The following IGSF9B variants were observed in gnomAD, a reference collection of about 807,000 sequenced individuals.
The protein encoded by IGSF9B is protein turtle homolog B.
In IGSF9B, 48 loss-of-function variants were observed where a neutral mutation model predicts 143.7. The observed-to-expected ratio is 0.33, with a 90% CI of 0.26 to 0.42. The LOEUF is 0.42. Among genes scored for constraint, IGSF9B ranks in the 20% least tolerant of loss-of-function variants. IGSF9B has a pLI of 1.00. For synonymous variants in IGSF9B, 903 were observed against 833.1 expected (o/e 1.08, Z -1.44); for missense variants, 1,706 against 1,980.0 (o/e 0.86, Z 2.63).
chr11:133,933,382 T>G (rs1760421588), intron 7 of IGSF9B, among the ~76,000 whole-genome samples: 1 of 152,208 alleles, frequency 6.6e-6, no homozygotes, highest in Non-Finnish European at 1.5e-5. Flanking sequence ...AAAGGGGGTA[T>G]TTTTCCTCCC....
intron 7 of IGSF9B, among the ~76,000 whole-genome samples, chr11:133,934,766 C>A (rs1405254045): frequency 1.3e-5 from 2 of 152,208 alleles, no homozygotes; most frequent in African/African-American, 4.8e-5. Flanking sequence ...CGTACACTGA[C>A]CCCGGTCTTG....
intron 1 of IGSF9B, among the ~76,000 whole-genome samples, chr11:133,950,643 A>G (rs1437243195): frequency 6.6e-6 from 1 of 152,058 alleles, no homozygotes; most frequent in Non-Finnish European, 1.5e-5. Flanking sequence ...GGCAACTCCA[A>G]CCCCACACTG....
rs766344870 is a variant in IGSF9B, at chr11:133,921,138, C to CAGG, written c.2584_2586dup (p.Pro862dup). The CAGG allele has an allele frequency of 6.2e-7, 1 of 1,613,528 alleles. No homozygotes were observed. The highest frequency in any genetic ancestry group is 1.3e-5 in the African/African-American group (1 of 75,068). Reference sequence around the variant, plus strand: ...CTCTTCAGCGAGGGCTCCATCTCGGCAGGGTCCATCACGAAGCGGCCGTCA... The same window carrying CAGG: ...CTCTTCAGCGAGGGCTCCATCTCGGCAGGAGGGTCCATCACGAAGCGGCCGTCA... On this transcript the variant is annotated inframe_insertion, in exon 18 of 20. Coordinates refer to ENST00000533871, the MANE Select transcript of IGSF9B (RefSeq NM_001277285.4).
At chr11:133,940,326 A>G (rs1397749198) in intron 3 of IGSF9B, among the ~76,000 whole-genome samples, 2 of 136,604 alleles carry the variant, frequency 1.5e-5, no homozygotes, top group Non-Finnish European at 3.1e-5. Flanking sequence ...GCAGAAACAT[A>G]CACCTCGCAC....
intron 1 of IGSF9B, among the ~76,000 whole-genome samples, chr11:133,947,707 G>C (rs1258396180): frequency 3.3e-5 from 2 of 60,128 alleles, no homozygotes; most frequent in Non-Finnish European, 7.8e-5. Context: ...CTCTGTGTTT[G>C]TTCTCTCTCT....
rs762080294 is a variant in IGSF9B, at chr11:133,919,120, G to T, written c.3983+622C>A. 49 of 349,248 alleles carry T rather than the reference G, an allele frequency of 1.4e-4. 1 individual carries two copies. The highest frequency in any genetic ancestry group is 2.6e-4 in the Non-Finnish European group (45 of 173,112). 21.6% of individuals were successfully genotyped at this position (349,248 alleles called of 1,614,324 possible). On this transcript the variant is annotated intron_variant, in intron 18 of 19. Transcript: ENST00000533871. ...TCTGCAGCTTCCTGCGAGGTATACG[G>T]GGGGGGGGTGGGGGACGTGTCCTGC...
rs141780528 is a variant in IGSF9B, at chr11:133,950,673, C to T, written c.65-4415G>A. 2.6e-3 allele frequency among the ~76,000 whole-genome samples: 396 copies of T among 152,308 alleles called. 2 individuals carry two copies. The highest frequency in any genetic ancestry group is 9.3e-3 in the African/African-American group (385 of 41,572). ...ACACTGGGGACAGGTTTTGCCAGCCCAGACCCTGAAGCCTAGGACCATAGG... is the reference window on the plus strand; with the variant it reads ...ACACTGGGGACAGGTTTTGCCAGCCTAGACCCTGAAGCCTAGGACCATAGG... On this transcript the variant is annotated intron_variant, in intron 1 of 19. Transcript: ENST00000533871.
At chr11:133,947,012 G>A (rs1348413278) in intron 1 of IGSF9B, among the ~76,000 whole-genome samples, 4 of 152,328 alleles carry the variant, frequency 2.6e-5, no homozygotes, top group East Asian at 1.9e-4. Context: ...GGATGCTGGC[G>A]ACAGAGGAGG....
intron 1 of IGSF9B, among the ~76,000 whole-genome samples, chr11:133,954,385 G>T (rs1379355373): frequency 1.3e-5 from 2 of 152,066 alleles, no homozygotes; most frequent in Admixed American, 6.5e-5. Context: ...CCCAGACAAG[G>T]TCAGCCCAGA....
chr11:133,919,371 C>T (rs1209358936), intron 18 of IGSF9B, among the ~76,000 whole-genome samples: 1 of 152,156 alleles, frequency 6.6e-6, no homozygotes, highest in Non-Finnish European at 1.5e-5. Flanking sequence ...CCCCCAGGAC[C>T]CCTGCCCGAT....
At chr11:133,912,170 C>T (rs992779528) in intron 18 of IGSF9B, 163 bp from the exon 19 acceptor site, 108 of 856,430 alleles carry the variant, frequency 1.3e-4, no homozygotes, top group Admixed American at 5.4e-4. Context: ...CTTTCTATTG[C>T]TCCTGGAAAG....
In IGSF9B at chr11:133,898,660, C is replaced by CGACTTAGCAAGTGGA. The variant is rs1463467666; in HGVS notation, c.*10394_*10408dup. Reference sequence around the variant, plus strand: ...CAAGACCTTCTGACACTGATACAGACGACTTAGCAAGTGGAGCGTTAAACT... The same window carrying CGACTTAGCAAGTGGA: ...CAAGACCTTCTGACACTGATACAGACGACTTAGCAAGTGGAGACTTAGCAAGTGGAGCGTTAAACT... On this transcript the variant is annotated 3_prime_UTR_variant, in exon 20 of 20. Coordinates refer to ENST00000533871, the MANE Select transcript of IGSF9B (RefSeq NM_001277285.4). 1.3e-5 allele frequency: 2 copies of CGACTTAGCAAGTGGA among 154,156 alleles called. No homozygotes were observed. Among genetic ancestry groups the CGACTTAGCAAGTGGA allele is most frequent in the East Asian group, 3.9e-4 (2 of 5,180 alleles). The allele number at this position is 154,156 out of a possible 1,614,324, so 9.5% of individuals were successfully genotyped here. A position where few individuals can be genotyped will look rare whatever the true frequency, so the allele number is the denominator to read the frequency against.
At chr11:133,952,783 A>G (rs545476769) in intron 1 of IGSF9B, among the ~76,000 whole-genome samples, 1 of 149,144 alleles carries the variant, frequency 6.7e-6, no homozygotes, top group Non-Finnish European at 1.5e-5. Flanking sequence ...ATGCGCACAC[A>G]CATGTGCACA....
At chr11:133,954,652 A>T (rs929971663) in intron 1 of IGSF9B, among the ~76,000 whole-genome samples, 7 of 152,232 alleles carry the variant, frequency 4.6e-5, no homozygotes, top group African/African-American at 1.7e-4. Flanking sequence ...GAAGCAAGTG[A>T]CATTTAGAGA....
Position 133,920,699 on chromosome 11 carries a change from T to C in IGSF9B, c.3026A>G (p.His1009Arg). The change falls in exon 18 of 20, where the codon CAC becomes CGC. Residue 1009 changes from histidine to arginine, a missense_variant. By Grantham distance (29) the His-to-Arg change is conservative (BLOSUM62 0). Around this residue, in one of 7 missense-constraint regions of IGSF9B, gnomAD observed 880 missense variants for 762.9 expected, o/e 1.15. Coordinates refer to ENST00000533871, the MANE Select transcript of IGSF9B (RefSeq NM_001277285.4). ...TCCATTCTCCTCGGGGATGGTGGGG[T>C]GGCCAAAGGGCCCCTCGGTGGGCAG... ...PPLPTEGPFG[H>R]PTIPEENGEN... 1 of 1,613,076 alleles carries C rather than the reference T, an allele frequency of 6.2e-7. No individual in the cohort carries two copies. The highest frequency in any genetic ancestry group is 8.5e-7 in the Non-Finnish European group (1 of 1,179,662).
At position 133,898,598 on chromosome 11, in the gene IGSF9B, C is replaced by G. The variant is rs1198433951; in HGVS notation, c.*10471G>C. ...TCTGGGCCCTCTATCCCCAGCCCCA[C>G]ACCTGGCAGTTAGGAAATTAAATCT... is the stretch of plus-strand genomic sequence containing the variant. On this transcript the variant is annotated 3_prime_UTR_variant, in exon 20 of 20. Transcript: ENST00000533871. The G allele has an allele frequency of 6.5e-6, 1 of 154,438 alleles. No homozygotes were observed. Among genetic ancestry groups the G allele is most frequent in the African/African-American group, 2.4e-5 (1 of 41,534 alleles). 9.6% of individuals were successfully genotyped at this position (154,438 alleles called of 1,614,324 possible).
intron 13 of IGSF9B, 44 bp downstream of exon 13, chr11:133,926,872 A>T: frequency 2.0e-6 from 3 of 1,499,600 alleles, no homozygotes; most frequent in Non-Finnish European, 2.7e-6. Flanking sequence ...CGCCCCCACC[A>T]CCTCTACAAC....
intron 1 of IGSF9B, among the ~76,000 whole-genome samples, chr11:133,949,617 G>T (rs1940122229): frequency 1.3e-5 from 2 of 151,992 alleles, no homozygotes. Context: ...AGCCCTGGGA[G>T]GGTGAGTTCA....
chr11:133,930,857 G>A lies in IGSF9B; in HGVS notation c.1519+127C>T, dbSNP rs114395019. Reference sequence around the variant, plus strand: ...GGTGCTGGACGCGGAGTTCAGGGCTGCACTGACTTAGGAAGGGAGCCCGCA... The same window carrying A: ...GGTGCTGGACGCGGAGTTCAGGGCTACACTGACTTAGGAAGGGAGCCCGCA... On this transcript the variant is annotated intron_variant, in intron 11 of 19. Transcript: ENST00000533871. 2,555 of 983,824 alleles carry A rather than the reference G, an allele frequency of 2.6e-3. 54 individuals are homozygous for A. In the African/African-American group the frequency reaches 0.038, roughly 15 times the overall value. The allele number at this position is 983,824 out of a possible 1,614,324, so 60.9% of individuals were successfully genotyped here.
Sources: allele counts gnomAD v4.1 joint callset (sites outside exome capture counted in the v4.1 genomes callset), GRCh38; gene constraint gnomAD v4.1.1; regional missense constraint gnomAD v4.1.1; transcripts MANE v1.5; gene names NCBI Gene and HGNC (gene_info 2026-07-23, HGNC 2026-07-21).